The following ADAMTS12 variants were observed in gnomAD, a reference collection of about 807,000 sequenced individuals.
The protein encoded by ADAMTS12 is A disintegrin and metalloproteinase with thrombospondin motifs 12.
A neutral mutation model predicts 167.8 loss-of-function variants in ADAMTS12; 118 were observed. That is an observed-to-expected ratio of 0.70 (90% CI 0.61 to 0.82). The LOEUF (loss-of-function observed/expected upper bound fraction) is 0.82. Ranked by LOEUF, ADAMTS12 falls within the 40% of genes least tolerant of loss-of-function variation. The probability of loss-of-function intolerance (pLI) is 0.00; values close to 1 mark genes in which losing one functional copy is unlikely to be tolerated. For synonymous variants in ADAMTS12, 704 were observed against 716.9 expected (o/e 0.98, Z 0.29); for missense variants, 1,916 against 1,998.8 (o/e 0.96, Z 0.79).
rs79897241 is a variant in ADAMTS12 at position 33,651,325 on chromosome 5, C to G, written c.1191-1628G>C. Among the ~76,000 whole-genome samples, 196 of 152,264 alleles carry G rather than the reference C, an allele frequency of 1.3e-3. 2 individuals carry two copies. The highest frequency in any genetic ancestry group is 4.2e-3 in the African/African-American group (174 of 41,558). On this transcript the variant is annotated intron_variant, in intron 7 of 23. Transcript: ENST00000504830. The stretch of plus-strand genomic sequence containing the variant: ...ATACACCAAGCCATATAATCTAGGG[C>G]CCTCACAAATGGATTTTTAAGTTTT...
chr5:33,527,104 C>A lies in ADAMTS12; in HGVS notation c.*84G>T, dbSNP rs1418382397. On this transcript the variant is annotated 3_prime_UTR_variant, in exon 24 of 24. Coordinates refer to ENST00000504830, the MANE Select transcript of ADAMTS12 (RefSeq NM_030955.4). ...TGAATCTGAAATATATGAAGCAAAA[C>A]CTCAACGAAGCAGCTCCCAGGGCTA... is the stretch of plus-strand genomic sequence containing the variant. 1 of 1,518,550 alleles carries A rather than the reference C, an allele frequency of 6.6e-7. No individual in the cohort carries two copies. Among genetic ancestry groups the A allele is most frequent in the Non-Finnish European group, 9.0e-7 (1 of 1,113,720 alleles). The allele number at this position is 1,518,550 out of a possible 1,614,324, so 94.1% of individuals were successfully genotyped here.
intron 1 of ADAMTS12, among the ~76,000 whole-genome samples, chr5:33,886,800 T>G (rs1750653309): frequency 6.6e-6 from 1 of 152,136 alleles, no homozygotes; most frequent in African/African-American, 2.4e-5. Flanking sequence ...GTGTGGTTTG[T>G]GTTGGTGACC....
In ADAMTS12 at chr5:33,546,123, G is replaced by A. The variant is rs775428386; in HGVS notation, c.4382C>T (p.Pro1461Leu). ...CTCATTGCAAGACATGGTGGATGTG[G>A]GTCTTTTTGTCCAATCACAGAGGCC... The part of the protein sequence containing the change: ...PGGLCDWTKR[P>L]TSTMSCNEHL... The change falls in exon 22 of 24, where the codon CCC (proline) becomes CTC (leucine). Residue 1461 changes from proline to leucine, a missense_variant. By Grantham distance (98) the Pro-to-Leu change is moderately conservative. Coordinates refer to ENST00000504830, the MANE Select transcript of ADAMTS12 (RefSeq NM_030955.4). 4.3e-6 allele frequency: 7 copies of A among 1,613,820 alleles called. No homozygotes were observed. The African/African-American group carries it at 9.3e-5, about 22-fold the overall frequency.
At chr5:33,704,179 G>A (rs1743103842) in intron 3 of ADAMTS12, among the ~76,000 whole-genome samples, 2 of 152,092 alleles carry the variant, frequency 1.3e-5, no homozygotes, top group Admixed American at 6.5e-5. Context: ...CAAATTTGTT[G>A]TAATTTTGTC....
chr5:33,699,336 G>A (rs894191121), intron 3 of ADAMTS12, among the ~76,000 whole-genome samples: 1 of 151,532 alleles, frequency 6.6e-6, no homozygotes, highest in Admixed American at 6.6e-5. Context: ...CGACTAAGAT[G>A]TTATAATAAT....
chr5:33,790,424 A>AT (rs1326306403), intron 2 of ADAMTS12, among the ~76,000 whole-genome samples: 1 of 152,030 alleles, frequency 6.6e-6, no homozygotes, highest in Non-Finnish European at 1.5e-5. Context: ...ATGGTGGCGC[A>AT]TGCCTGTAGT....
At chr5:33,719,571 A>G (rs1579871073) in intron 3 of ADAMTS12, among the ~76,000 whole-genome samples, 3 of 152,308 alleles carry the variant, frequency 2.0e-5, no homozygotes, top group African/African-American at 7.2e-5. Context: ...CAGCTGTCCA[A>G]TGAGTGTCTA....
At chr5:33,745,151 T>C (rs1744734885) in intron 3 of ADAMTS12, among the ~76,000 whole-genome samples, 1 of 152,084 alleles carries the variant, frequency 6.6e-6, no homozygotes, top group Non-Finnish European at 1.5e-5. Context: ...AATCTCACTT[T>C]CTCATCAGAA....
intron 3 of ADAMTS12, among the ~76,000 whole-genome samples, chr5:33,720,220 A>G (rs1165783810): frequency 6.6e-6 from 1 of 150,984 alleles, no homozygotes; most frequent in East Asian, 2.0e-4. Flanking sequence ...TTTTGGCATC[A>G]ATGTATTAAG....
intron 8 of ADAMTS12, 26 bp downstream of exon 8, chr5:33,649,528 G>C (rs1740797064): frequency 6.2e-7 from 1 of 1,609,986 alleles, no homozygotes. Flanking sequence ...ACCCAGGTGA[G>C]GGCGTCATGA....
At chr5:33,738,646 G>T (rs1261050411) in intron 3 of ADAMTS12, among the ~76,000 whole-genome samples, 1 of 152,194 alleles carries the variant, frequency 6.6e-6, no homozygotes, top group Admixed American at 6.5e-5. Context: ...CCTGTCTTCT[G>T]CACATCAACA....
chr5:33,658,446 G>A, intron 6 of ADAMTS12, 113 bp from the exon 7 acceptor site: 2 of 1,266,670 alleles, frequency 1.6e-6, no homozygotes, highest in Non-Finnish European at 2.2e-6. Context: ...AGTATGCTTG[G>A]CATTTTTTAA....
chr5:33,568,278 T>C (rs1746115965), intron 19 of ADAMTS12, among the ~76,000 whole-genome samples: 2 of 152,238 alleles, frequency 1.3e-5, no homozygotes, highest in South Asian at 2.1e-4. Flanking sequence ...GAAAATGTGA[T>C]AACTCATTTT....
intron 5 of ADAMTS12, among the ~76,000 whole-genome samples, chr5:33,668,451 T>C (rs1741550043): frequency 6.6e-6 from 1 of 152,182 alleles, no homozygotes; most frequent in Non-Finnish European, 1.5e-5. Flanking sequence ...TACGGATCTG[T>C]TCCTTGATGA....
At chr5:33,874,274 A>C (rs895944163) in intron 2 of ADAMTS12, among the ~76,000 whole-genome samples, 2 of 152,268 alleles carry the variant, frequency 1.3e-5, no homozygotes, top group Admixed American at 6.5e-5. Context: ...AGACCTTAAC[A>C]GGAACCTCAC....
At chr5:33,779,833 A>G (rs1746055158) in intron 2 of ADAMTS12, among the ~76,000 whole-genome samples, 2 of 152,186 alleles carry the variant, frequency 1.3e-5, no homozygotes. Context: ...CCATGAAGAG[A>G]TGTTGGTCAA....
At chr5:33,686,045 C>T (rs1304618236) in intron 3 of ADAMTS12, among the ~76,000 whole-genome samples, 1 of 152,132 alleles carries the variant, frequency 6.6e-6, no homozygotes, top group Non-Finnish European at 1.5e-5. Context: ...AACATGGATT[C>T]GGTCTCATCT....
intron 1 of ADAMTS12, among the ~76,000 whole-genome samples, chr5:33,885,868 G>A (rs1430860295): frequency 1.3e-5 from 2 of 152,204 alleles, no homozygotes; most frequent in Admixed American, 6.5e-5. Context: ...AGGCAAGGAT[G>A]TGAGAAAAAG....
chr5:33,623,377 G>A (rs1350066958), intron 14 of ADAMTS12, among the ~76,000 whole-genome samples: 1 of 152,168 alleles, frequency 6.6e-6, no homozygotes, highest in Non-Finnish European at 1.5e-5. Context: ...GTGGAAAGTG[G>A]TGTATATTAT....
Sources: gnomAD v4.1 joint callset for allele counts (sites outside exome capture counted in the v4.1 genomes callset) on GRCh38, gnomAD v4.1.1 for gene constraint, MANE v1.5 for transcripts, NCBI Gene and HGNC (gene_info 2026-07-23, HGNC 2026-07-21) for gene names.